The following NPTX2 variants were observed in gnomAD, a reference collection of about 807,000 sequenced individuals.
NPTX2 encodes neuronal pentraxin-2.
Under a neutral mutation model 38.1 loss-of-function variants are expected in NPTX2, and 23 were observed. The observed-to-expected ratio is 0.60, with a 90% confidence interval of 0.43 to 0.85. The LOEUF (loss-of-function observed/expected upper bound fraction) is 0.85. NPTX2 is among the 40% of genes least tolerant of loss of function. NPTX2 has a pLI of 0.00. For synonymous variants in NPTX2, 291 were observed against 287.3 expected, an observed-to-expected ratio of 1.01 and a Z score of -0.13; for missense variants, 553 against 615.3, an observed-to-expected ratio of 0.90 and a Z score of 1.07.
Position 98,619,741 on chromosome 7 carries a change from C to A in NPTX2, c.525C>A (p.Arg175=). Residue 175 remains arginine (R), a synonymous_variant, in exon 2 of 5, where the codon CGC becomes CGA. Transcript: ENST00000265634. ...RLGELERQLL[R]KVAELEDEKS... is the part of the protein sequence containing the mutation. ...GGGAGCTGGAGAGGCAGCTTCTGCG[C>A]AAGGTGGCAGAGCTGGAGGACGAGA... is the stretch of plus-strand genomic sequence containing the variant. 6.2e-7 allele frequency: 1 copy of A among 1,613,312 alleles called. No individual in the cohort carries two copies. Among genetic ancestry groups the A allele is most frequent in the Non-Finnish European group, 8.5e-7 (1 of 1,180,016 alleles).
At chr7:98,625,285 G>A (rs1374879865) in intron 3 of NPTX2, 119 bp downstream of exon 3, 139 of 1,348,206 alleles carry the variant, frequency 1.0e-4, no homozygotes, top group Middle Eastern at 8.0e-4. Flanking sequence ...CCAGACATGG[G>A]ACTGCGGGGC....
At chr7:98,619,446 A>G (rs1791235467) in intron 1 of NPTX2, among the ~76,000 whole-genome samples, 197 bp from the exon 2 acceptor site, 1 of 152,232 alleles carries the variant, frequency 6.6e-6, no homozygotes, top group African/African-American at 2.4e-5. Context: ...ATATTGCAGC[A>G]AAGTAATTCT....
chr7:98,625,124 C>A lies in NPTX2; in HGVS notation c.846C>A (p.Ile282=). ...GGCAGGCCAACGAGATCGTGCTGATCGAGTGGGGCAACAACCCCATCGAGC... is the reference window on the plus strand; with the variant it reads ...GGCAGGCCAACGAGATCGTGCTGATAGAGTGGGGCAACAACCCCATCGAGC... The part of the protein sequence containing the change: ...VPGQANEIVL[I]EWGNNPIELL... Residue 282 remains isoleucine (I), a synonymous_variant, in exon 3 of 5, where the codon ATC becomes ATA. Coordinates refer to ENST00000265634, the MANE Select transcript of NPTX2 (RefSeq NM_002523.3). 1 of 1,608,128 alleles carries A rather than the reference C, an allele frequency of 6.2e-7. No homozygotes were observed.
chr7:98,625,406 C>T (rs759833908), intron 3 of NPTX2, among the ~76,000 whole-genome samples: 1 of 152,158 alleles, frequency 6.6e-6, no homozygotes, highest in Non-Finnish European at 1.5e-5. Context: ...GGTCCAGGCA[C>T]CTAGGCCATG....
chr7:98,626,146 CAA>C (rs561364197), intron 3 of NPTX2, among the ~76,000 whole-genome samples: 59 of 71,386 alleles, frequency 8.3e-4, no homozygotes, highest in African/African-American at 1.9e-3. Context: ...TACCCTGTCT[CAA>C]AAAAAAAAAA....
At chr7:98,624,205 C>T (rs780188839) in intron 2 of NPTX2, among the ~76,000 whole-genome samples, 5 of 152,332 alleles carry the variant, frequency 3.3e-5, no homozygotes, top group East Asian at 1.9e-4. Context: ...AGTCTTCCCA[C>T]CTCAGCCTCC....
chr7:98,625,532 T>A (rs1471966604), intron 3 of NPTX2, among the ~76,000 whole-genome samples: 2 of 152,126 alleles, frequency 1.3e-5, no homozygotes, highest in African/African-American at 4.8e-5. Flanking sequence ...TGTGTCTCAG[T>A]GTAAGAGACT....
At chr7:98,621,084 C>T (rs1791263197) in intron 2 of NPTX2, among the ~76,000 whole-genome samples, 2 of 152,158 alleles carry the variant, frequency 1.3e-5, no homozygotes, top group Admixed American at 6.5e-5. Flanking sequence ...CAAACAGTGA[C>T]AGTCACATCA....
intron 2 of NPTX2, among the ~76,000 whole-genome samples, chr7:98,622,270 G>A (rs1426559235): frequency 2.6e-5 from 4 of 152,134 alleles, no homozygotes; most frequent in Non-Finnish European, 5.9e-5. Flanking sequence ...CCGCCAAGCT[G>A]TTTTATTTAA....
chr7:98,622,594 T>A (rs1791287341), intron 2 of NPTX2, among the ~76,000 whole-genome samples: 1 of 152,220 alleles, frequency 6.6e-6, no homozygotes, highest in Non-Finnish European at 1.5e-5. Context: ...CTCACTTCGC[T>A]GAGCCTCCGA....
At chr7:98,624,148 A>G (rs1438747793) in intron 2 of NPTX2, among the ~76,000 whole-genome samples, 1 of 152,088 alleles carries the variant, frequency 6.6e-6, no homozygotes, top group Non-Finnish European at 1.5e-5. Context: ...GTAGAGATGA[A>G]GTCTTGCTGT....
chr7:98,617,724 C>T lies in NPTX2; in HGVS notation c.263C>T (p.Thr88Met). The change falls in exon 1 of 5, where the codon ACG (threonine) becomes ATG (methionine). Residue 88 changes from threonine (T) to methionine (M), a missense_variant. Thr to Met is a moderately conservative substitution (Grantham distance 81). Coordinates refer to ENST00000265634, the MANE Select transcript of NPTX2 (RefSeq NM_002523.3). ...GAQREAIRELTGKLARCEGLA... is the reference protein window; with the variant it reads ...GAQREAIRELMGKLARCEGLA... ...CAGCGCGAGGCCATCCGCGAGCTCA[C>T]GGGCAAGCTAGCGCGCTGCGAGGGG... The T allele has an allele frequency of 1.4e-6, 2 of 1,427,772 alleles. No individual in the cohort carries two copies. Among genetic ancestry groups the T allele is most frequent in the Non-Finnish European group, 9.1e-7 (1 of 1,102,788 alleles). 88.4% of individuals were successfully genotyped at this position (1,427,772 alleles called of 1,614,324 possible). A position where few individuals can be genotyped will look rare whatever the true frequency, so the allele number is the denominator to read the frequency against.
rs867368758 is a variant in NPTX2 at position 98,628,630 on chromosome 7, C to T, written c.*1C>T. 4 of 1,453,756 alleles carry T rather than the reference C, an allele frequency of 2.8e-6. No individual in the cohort carries two copies. In the Middle Eastern group the frequency reaches 7.0e-4, roughly 256 times the overall value. 90.1% of individuals were successfully genotyped at this position (1,453,756 alleles called of 1,614,324 possible). On this transcript the variant is annotated 3_prime_UTR_variant, in exon 5 of 5. Transcript: ENST00000265634. Reference sequence around the variant, plus strand: ...TGAGGAGCGTCTCCTTGACTTGTAGCCGCCTTCTCCTCTGTCCAGGAGGCC... The same window carrying T: ...TGAGGAGCGTCTCCTTGACTTGTAGTCGCCTTCTCCTCTGTCCAGGAGGCC...
rs1474631991 is a variant in NPTX2, at chr7:98,619,832, C to T, written c.616C>T (p.Leu206=). 1 of 1,613,940 alleles carries T rather than the reference C, an allele frequency of 6.2e-7. No individual in the cohort carries two copies. The highest frequency in any genetic ancestry group is 2.2e-5 in the East Asian group (1 of 44,868). ...GACCGAGAGCACCCTGAACGCGCTG[C>T]TGCAGAGGGTCACCGAGCTGGAGCG... ...QKTESTLNAL[L]QRVTELERGN... Residue 206 remains leucine (L), a synonymous_variant, in exon 2 of 5, where the codon CTG becomes TTG. Transcript: ENST00000265634.
intron 2 of NPTX2, 144 bp from the exon 3 acceptor site, chr7:98,624,778 C>T (rs1224784310): frequency 8.9e-6 from 8 of 899,524 alleles, no homozygotes; most frequent in African/African-American, 3.3e-5. Flanking sequence ...TGGTGTGGAG[C>T]GGTCTTTGGT....
Position 98,617,322 on chromosome 7 carries a change from G to C in NPTX2, c.-140G>C, listed in dbSNP as rs539415670. ...AGCGCGGTGGGTGCGGCTGTGAGAC[G>C]GCAGGAGACTTCTGCCCCGCGGTGC... On this transcript the variant is annotated 5_prime_UTR_variant, in exon 1 of 5. Transcript: ENST00000265634. The C allele has an allele frequency of 2.1e-5, 6 of 286,514 alleles. No individual in the cohort carries two copies. Among genetic ancestry groups the C allele is most frequent in the East Asian group, 6.3e-5 (1 of 15,770 alleles). The allele number at this position is 286,514 out of a possible 1,614,324, so 17.7% of individuals were successfully genotyped here. A position where few individuals can be genotyped will look rare whatever the true frequency, so the allele number is the denominator to read the frequency against.
chr7:98,623,229 G>C (rs1791297603), intron 2 of NPTX2, among the ~76,000 whole-genome samples: 1 of 152,148 alleles, frequency 6.6e-6, no homozygotes, highest in African/African-American at 2.4e-5. Flanking sequence ...TCAACGGCAG[G>C]GTCTGGTTCT....
chr7:98,627,530 A>C (rs1323975426), intron 4 of NPTX2, among the ~76,000 whole-genome samples, 186 bp downstream of exon 4: 2 of 152,196 alleles, frequency 1.3e-5, no homozygotes, highest in Non-Finnish European at 2.9e-5. Flanking sequence ...CCTGACAGCC[A>C]GGTCGGGGGA....
intron 2 of NPTX2, 44 bp from the exon 3 acceptor site, chr7:98,624,878 G>C: frequency 6.3e-7 from 1 of 1,581,288 alleles, no homozygotes; most frequent in Non-Finnish European, 8.6e-7. Flanking sequence ...TGGGTGGTGG[G>C]GTGGCCTAAC....
Sources: gnomAD v4.1 joint callset for allele counts (sites outside exome capture counted in the v4.1 genomes callset) on GRCh38, gnomAD v4.1.1 for gene constraint, MANE v1.5 for transcripts, NCBI Gene and HGNC (gene_info 2026-07-23, HGNC 2026-07-21) for gene names.